Variants in PCDH15 observed in about 807,000 individuals in gnomAD.
The protein encoded by PCDH15 is protocadherin related 15.
PCDH15 carries 129 observed loss-of-function variants against 178.5 expected under a neutral mutation model. The observed-to-expected ratio is 0.72, with a 90% CI of 0.63 to 0.84. The LOEUF (loss-of-function observed/expected upper bound fraction) is 0.84, where lower values mean the gene tolerates loss of function less well. Among genes scored for constraint, PCDH15 ranks in the 40% least tolerant of loss-of-function variants. The pLI, the probability that PCDH15 is intolerant of heterozygous loss-of-function variation, is 0.00. For missense variants in PCDH15, 2,230 were observed against 2,099.9 expected (o/e 1.06, Z -1.21); for synonymous variants, 800 against 732.0 (o/e 1.09, Z -1.50).
chr10:55,248,650 T>A (rs1427362821), intron 1 of PCDH15, among the ~76,000 whole-genome samples: 1 of 152,122 alleles, frequency 6.6e-6, no homozygotes, highest in Non-Finnish European at 1.5e-5. Context: ...AACCTCCACG[T>A]AGTTCTAGTG....
chr10:53,865,145 T>C lies in PCDH15; in HGVS notation c.3717+1497A>G, dbSNP rs567386287. ...TACTAATTATAGAATTTTGTATGTT[T>C]TTGCAGACATAATCAGCATGGATAT... On this transcript the variant is annotated intron_variant, in intron 27 of 37. Coordinates refer to ENST00000644397, the MANE Select transcript of PCDH15 (RefSeq NM_001384140.1). Among the ~76,000 whole-genome samples, 11 of 152,204 alleles carry C rather than the reference T, an allele frequency of 7.2e-5. No homozygotes were observed. The East Asian group carries it at 2.1e-3, about 29-fold the overall frequency.
chr10:55,585,576 T>C (rs1842710627), intron 2 of PCDH15, among the ~76,000 whole-genome samples: 1 of 152,034 alleles, frequency 6.6e-6, no homozygotes, highest in Non-Finnish European at 1.5e-5. Flanking sequence ...ACTTGGAGGC[T>C]GAGGCAGGAG....
intron 2 of PCDH15, among the ~76,000 whole-genome samples, chr10:55,602,935 A>G (rs1843122244): frequency 6.6e-6 from 1 of 152,098 alleles, no homozygotes; most frequent in Non-Finnish European, 1.5e-5. Flanking sequence ...CGATCAAATT[A>G]CTCTGAGCTA....
intron 3 of PCDH15, among the ~76,000 whole-genome samples, chr10:54,475,275 A>G (rs1221529089): frequency 6.6e-6 from 1 of 152,014 alleles, no homozygotes; most frequent in Non-Finnish European, 1.5e-5. Context: ...AAATAATTAT[A>G]ATATTCAACG....
chr10:53,974,685 TC>T (rs1024242614), intron 21 of PCDH15, among the ~76,000 whole-genome samples: 1 of 152,134 alleles, frequency 6.6e-6, no homozygotes, highest in Non-Finnish European at 1.5e-5. Flanking sequence ...TAGTGATCAC[TC>T]TTCATTCTTC....
At chr10:54,344,904 C>CCAAAAA (rs58908008) in intron 6 of PCDH15, among the ~76,000 whole-genome samples, 47 of 78,868 alleles carry the variant, frequency 6.0e-4, no homozygotes, top group East Asian at 2.8e-3. Flanking sequence ...AGAAACAAAG[C>CCAAAAA]AAAAAAAAAA....
At chr10:54,420,283 A>G (rs1428223320) in intron 3 of PCDH15, among the ~76,000 whole-genome samples, 1 of 152,070 alleles carries the variant, frequency 6.6e-6, no homozygotes, top group Non-Finnish European at 1.5e-5. Context: ...TGTCTTGTGG[A>G]GCTTGTATTT....
At chr10:55,604,151 C>G (rs1437012779) in intron 2 of PCDH15, among the ~76,000 whole-genome samples, 1 of 102,024 alleles carries the variant, frequency 9.8e-6, no homozygotes, top group Non-Finnish European at 2.0e-5. Context: ...ACAAAGAAGG[C>G]CATTACATAA....
chr10:55,154,484 T>C (rs1376130524), intron 2 of PCDH15, among the ~76,000 whole-genome samples: 1 of 152,096 alleles, frequency 6.6e-6, no homozygotes, highest in African/African-American at 2.4e-5. Flanking sequence ...CTTAATTACC[T>C]GTAAAATTTG....
chr10:54,882,422 C>A (rs1315066382), intron 3 of PCDH15, among the ~76,000 whole-genome samples: 1 of 151,874 alleles, frequency 6.6e-6, no homozygotes, highest in East Asian at 1.9e-4. Flanking sequence ...TTTCAAGGAG[C>A]CAGAAAGGGA....
At chr10:54,846,937 C>T (rs971751555) in intron 3 of PCDH15, among the ~76,000 whole-genome samples, 3 of 152,200 alleles carry the variant, frequency 2.0e-5, no homozygotes, top group African/African-American at 7.2e-5. Context: ...ACGTGTTGTA[C>T]ATTACTTCAT....
At chr10:54,873,068 A>T (rs1474958072) in intron 3 of PCDH15, among the ~76,000 whole-genome samples, 1 of 152,130 alleles carries the variant, frequency 6.6e-6, no homozygotes, top group African/African-American at 2.4e-5. Flanking sequence ...AGTTACACCA[A>T]TTTTCTGGGC....
intron 25 of PCDH15, among the ~76,000 whole-genome samples, chr10:53,904,468 CT>C (rs10659966): frequency 1.1e-3 from 158 of 144,022 alleles, no homozygotes; most frequent in Non-Finnish European, 1.2e-3. Context: ...TAGAAATAGT[CT>C]TTTTTTTTTT....
intron 2 of PCDH15, among the ~76,000 whole-genome samples, chr10:54,994,878 A>C (rs986635724): frequency 1.3e-5 from 2 of 152,168 alleles, no homozygotes; most frequent in African/African-American, 4.8e-5. Flanking sequence ...ATTATATGTG[A>C]TAAATTATCA....
intron 2 of PCDH15, among the ~76,000 whole-genome samples, chr10:55,592,064 G>A (rs1842851728): frequency 6.6e-6 from 1 of 152,072 alleles, no homozygotes; most frequent in African/African-American, 2.4e-5. Flanking sequence ...CGTATTTCTA[G>A]TAGAAAAATG....
At chr10:54,910,559 A>T (rs1954800097) in intron 2 of PCDH15, among the ~76,000 whole-genome samples, 1 of 152,138 alleles carries the variant, frequency 6.6e-6, no homozygotes, top group Non-Finnish European at 1.5e-5. Flanking sequence ...ATGGTATATG[A>T]TCCACTTCCT....
At chr10:55,328,913 C>CATATATATATAT (rs56104592) in intron 2 of PCDH15, among the ~76,000 whole-genome samples, 205 of 111,290 alleles carry the variant, frequency 1.8e-3, no homozygotes, top group African/African-American at 3.9e-3. Context: ...TTCACACAAA[C>CATATATATATAT]ATATATATAT....
chr10:55,167,394 G>T (rs189772734), intron 1 of PCDH15, among the ~76,000 whole-genome samples: 1 of 152,240 alleles, frequency 6.6e-6, no homozygotes, highest in African/African-American at 2.4e-5. Flanking sequence ...GGGCTTACAG[G>T]TGTGAGTCAC....
chr10:55,009,247 C>T (rs947779978), intron 2 of PCDH15, among the ~76,000 whole-genome samples: 23 of 121,910 alleles, frequency 1.9e-4, no homozygotes, highest in African/African-American at 5.9e-4. Context: ...ATTGCACGCA[C>T]AGATGTGTGT....
Sources: gnomAD v4.1 joint callset for allele counts (sites outside exome capture counted in the v4.1 genomes callset) on GRCh38, gnomAD v4.1.1 for gene constraint, MANE v1.5 for transcripts, NCBI Gene and HGNC (gene_info 2026-07-23, HGNC 2026-07-21) for gene names.